SNX9: variants seen among roughly 807,000 people sequenced by gnomAD.
The protein encoded by SNX9 is sorting nexin-9.
A neutral mutation model predicts 89.4 loss-of-function variants in SNX9; 44 were observed. The ratio of observed to expected loss-of-function variants is 0.49; its 90% CI spans 0.39 to 0.63. SNX9 has a LOEUF of 0.63. Ranked by LOEUF, SNX9 falls within the 30% of genes least tolerant of loss-of-function variation. The pLI, the probability that SNX9 is intolerant of heterozygous loss-of-function variation, is 0.00. For missense variants in SNX9, 578 were observed against 736.1 expected (o/e 0.79, Z 2.49); for synonymous variants, 236 against 247.8 (o/e 0.95, Z 0.45).
At chr6:157,910,857 G>C (rs1393514310) in intron 9 of SNX9, among the ~76,000 whole-genome samples, 1 of 152,166 alleles carries the variant, frequency 6.6e-6, no homozygotes, top group Non-Finnish European at 1.5e-5. Context: ...TGTGTGCCAG[G>C]TGCAGTGGCA....
At chr6:157,902,396 CT>C (rs1347217009) in intron 6 of SNX9, among the ~76,000 whole-genome samples, 1 of 152,122 alleles carries the variant, frequency 6.6e-6, no homozygotes, top group Non-Finnish European at 1.5e-5. Flanking sequence ...AAATGTTTTA[CT>C]GTTTTGTTAA....
At chr6:157,928,768 T>C in intron 12 of SNX9, 66 bp downstream of exon 12, 1 of 1,255,676 alleles carries the variant, frequency 8.0e-7, no homozygotes, top group Non-Finnish European at 1.1e-6. Flanking sequence ...TTATGTCCCT[T>C]ATCATAGAGG....
intron 4 of SNX9, among the ~76,000 whole-genome samples, chr6:157,888,399 T>A (rs1192353831): frequency 6.6e-6 from 1 of 152,232 alleles, no homozygotes; most frequent in Non-Finnish European, 1.5e-5. Flanking sequence ...TATAATGCAT[T>A]GAAGATAACC....
At chr6:157,881,781 G>A (rs1782628164) in intron 4 of SNX9, among the ~76,000 whole-genome samples, 1 of 152,208 alleles carries the variant, frequency 6.6e-6, no homozygotes, top group African/African-American at 2.4e-5. Context: ...TTCTGTGAAG[G>A]CTGAGAGAGG....
chr6:157,832,438 C>T lies in SNX9; in HGVS notation c.12+8992C>T, dbSNP rs535397325. Among the ~76,000 whole-genome samples, 441 of 152,330 alleles carry T rather than the reference C, an allele frequency of 2.9e-3. 1 individual carries two copies. Among genetic ancestry groups the T allele is most frequent in the Non-Finnish European group, 4.6e-3 (316 of 68,028 alleles). The stretch of plus-strand genomic sequence containing the variant: ...GCAGGCTGTCTGCAGGGGCACAGTG[C>T]AGGCTCCTGGCACAGTTCCTCAAGC... On this transcript the variant is annotated intron_variant, in intron 1 of 17. Transcript: ENST00000392185.
chr6:157,936,052 A>G lies in SNX9; in HGVS notation c.1443+12A>G, dbSNP rs955515930. 28 of 1,601,118 alleles carry G rather than the reference A, an allele frequency of 1.7e-5. No individual in the cohort carries two copies. The highest frequency in any genetic ancestry group is 3.4e-5 in the Admixed American group (2 of 58,752). ...TCGTGGCAGAACAGGTACTAACATA[A>G]TCACACAATTCCAATTAAGATTTGT... On this transcript the variant is annotated intron_variant, in intron 14 of 17. Transcript: ENST00000392185.
chr6:157,858,635 A>ATG (rs1211215880), intron 1 of SNX9, among the ~76,000 whole-genome samples: 2 of 152,212 alleles, frequency 1.3e-5, no homozygotes, highest in African/African-American at 4.8e-5. Flanking sequence ...ATGTATTAGC[A>ATG]TGTTCTCACA....
chr6:157,851,783 T>G (rs943409748), intron 1 of SNX9, among the ~76,000 whole-genome samples: 1 of 151,904 alleles, frequency 6.6e-6, no homozygotes, highest in African/African-American at 2.4e-5. Context: ...TAGAGACGGG[T>G]TCACCATGTT....
chr6:157,871,372 CA>C lies in SNX9; in HGVS notation c.100-1729del, dbSNP rs551848555. ...TGTCAGCTTGGGAGACAAAATGAGA[CA>C]GTGTCTCAAAAAAAAGAAAATCACT... On this transcript the variant is annotated intron_variant, in intron 2 of 17. Coordinates refer to ENST00000392185, the MANE Select transcript of SNX9 (RefSeq NM_016224.5). 4.6e-5 allele frequency among the ~76,000 whole-genome samples: 7 copies of C among 152,048 alleles called. No individual in the cohort carries two copies. The South Asian group carries it at 1.5e-3, about 32-fold the overall frequency.
intron 9 of SNX9, among the ~76,000 whole-genome samples, chr6:157,915,637 A>AT (rs1562616982): frequency 7.0e-4 from 69 of 98,620 alleles, no homozygotes; most frequent in African/African-American, 2.8e-3. Context: ...AAAAAAAAAA[A>AT]AAAATATATA....
chr6:157,943,715 G>C lies in SNX9; in HGVS notation c.*877G>C. 1 of 152,566 alleles carries C rather than the reference G, an allele frequency of 6.6e-6. No homozygotes were observed. Among genetic ancestry groups the C allele is most frequent in the South Asian group, 2.1e-4 (1 of 4,820 alleles). The allele number at this position is 152,566 out of a possible 1,614,324, so 9.5% of individuals were successfully genotyped here. On this transcript the variant is annotated 3_prime_UTR_variant, in exon 18 of 18. Transcript: ENST00000392185. ...AGTGGCTGTGCGGAGGCCTGTGTTC[G>C]GGAGGGCCTGGGAGAAGGAGGGCAC...
At position 157,867,628 on chromosome 6, in the gene SNX9, A is replaced by G; in HGVS notation, c.94A>G (p.Asn32Asp). 1 of 1,610,486 alleles carries G rather than the reference A, an allele frequency of 6.2e-7. No homozygotes were observed. The highest frequency in any genetic ancestry group is 8.5e-7 in the Non-Finnish European group (1 of 1,177,532). Residue 32 changes from asparagine (N) to aspartate (D), a missense_variant, in exon 2 of 18, where the codon AAT becomes GAT. By Grantham distance (23) the Asn-to-Asp change is conservative. Around this residue, in one of 2 missense-constraint regions of SNX9, gnomAD observed 230 missense variants for 244.7 expected, o/e 0.94. Transcript: ENST00000392185. ...TGAAGGAGAAATCATCACAATCACA[A>G]ATCCGGTAAGAGAACTGTACATTCG... ...VNEGEIITIT[N>D]PDVGGGWLEG...
In SNX9 at chr6:157,823,388, G is replaced by T. The variant is rs1482967479; in HGVS notation, c.-47G>T. ...TGCGCGGCTCAGAATCACCATCCGC[G>T]GCGCGGGAGACGAGCCGGCCGTCCC... On this transcript the variant is annotated 5_prime_UTR_variant, in exon 1 of 18. Transcript: ENST00000392185. This position sits in a 1 kb window ranked among gnomAD's most constrained non-coding sequence, Gnocchi z 4.6. 8 of 1,272,274 alleles carry T rather than the reference G, an allele frequency of 6.3e-6. No homozygotes were observed. The highest frequency in any genetic ancestry group is 8.0e-6 in the Non-Finnish European group (8 of 1,001,494). The allele number at this position is 1,272,274 out of a possible 1,614,324, so 78.8% of individuals were successfully genotyped here.
At chr6:157,914,057 A>G (rs1411627491) in intron 9 of SNX9, among the ~76,000 whole-genome samples, 5 of 152,178 alleles carry the variant, frequency 3.3e-5, no homozygotes, top group African/African-American at 1.2e-4. Context: ...TGTTTAAGAA[A>G]TTGCCCAACT....
intron 16 of SNX9, among the ~76,000 whole-genome samples, chr6:157,940,098 G>A (rs1165490139): frequency 6.6e-6 from 1 of 152,330 alleles, no homozygotes; most frequent in East Asian, 1.9e-4. Flanking sequence ...GGGCAGCAAG[G>A]CTTCCCGTAC....
Position 157,823,451 on chromosome 6 carries a change from G to C in SNX9, c.12+5G>C. 1 of 1,224,528 alleles carries C rather than the reference G, an allele frequency of 8.2e-7. No homozygotes were observed. Among genetic ancestry groups the C allele is most frequent in the South Asian group, 3.0e-5 (1 of 33,518 alleles). The allele number at this position is 1,224,528 out of a possible 1,614,324, so 75.9% of individuals were successfully genotyped here. A position where few individuals can be genotyped will look rare whatever the true frequency, so the allele number is the denominator to read the frequency against. On this transcript the variant is annotated splice_donor_5th_base_variant and intron_variant, in intron 1 of 17. Coordinates refer to ENST00000392185, the MANE Select transcript of SNX9 (RefSeq NM_016224.5). The surrounding 1 kb of genome is among the most constrained non-coding windows in gnomAD (Gnocchi z 4.6). ...CCGCCCGCCATGGCCACCAAGGTGA[G>C]GGGCGCGCGGCGCAGGCCGGGCCGG...
At chr6:157,932,866 CAAAAAAAAAAAAAAAA>C (rs10545432) in intron 13 of SNX9, among the ~76,000 whole-genome samples, 4 of 39,202 alleles carry the variant, frequency 1.0e-4, no homozygotes, top group Non-Finnish European at 1.4e-4. Context: ...GACCCTGTCT[CAAAAAAAAAAAAAAAA>C]AAAAAAAAAA....
chr6:157,825,215 T>TGGG (rs1440497097), intron 1 of SNX9, among the ~76,000 whole-genome samples: 16 of 152,110 alleles, frequency 1.1e-4, no homozygotes, highest in Non-Finnish European at 1.8e-4. Flanking sequence ...GCCACTGCAC[T>TGGG]CCAGCCTGGG....
intron 4 of SNX9, among the ~76,000 whole-genome samples, chr6:157,892,961 GC>G (rs138074915): frequency 0.047 from 7,218 of 152,180 alleles, 211 homozygotes; most frequent in East Asian, 0.11. Context: ...GGCCCTCCGA[GC>G]CCCTCCATTT....
Sources: allele counts gnomAD v4.1 joint callset (sites outside exome capture counted in the v4.1 genomes callset), GRCh38; gene constraint gnomAD v4.1.1; regional missense constraint gnomAD v4.1.1; non-coding constraint Gnocchi (gnomAD v3.1); transcripts MANE v1.5; gene names NCBI Gene and HGNC (gene_info 2026-07-23, HGNC 2026-07-21).